The following SNX29 variants were observed in gnomAD, a reference collection of about 807,000 sequenced individuals.
SNX29 encodes the protein sorting nexin-29.
A neutral mutation model predicts 102.1 loss-of-function variants in SNX29; 78 were observed. The ratio of observed to expected loss-of-function variants is 0.76; its 90% CI spans 0.64 to 0.92. The LOEUF is 0.92. SNX29 is among the 40% of genes least tolerant of loss of function. The pLI, the probability that SNX29 is intolerant of heterozygous loss-of-function variation, is 0.00. For synonymous variants in SNX29, 580 were observed against 414.5 expected, an observed-to-expected ratio of 1.40 and a Z score of -4.85; for missense variants, 1,280 against 1,061.7, an observed-to-expected ratio of 1.21 and a Z score of -2.86.
At chr16:12,135,403 G>C in intron 13 of SNX29, 1 of 693,944 alleles carries the variant, frequency 1.4e-6, no homozygotes, top group Non-Finnish European at 2.2e-6. Context: ...TCCAGAGGAT[G>C]GCAGCCCACC....
chr16:12,560,138 C>CA (rs1367622251), intron 20 of SNX29, among the ~76,000 whole-genome samples: 2 of 55,328 alleles, frequency 3.6e-5, no homozygotes, highest in African/African-American at 5.9e-5. Flanking sequence ...GTTCCCCTCC[C>CA]CCCCCCAACA....
At chr16:12,252,566 A>G (rs2078452552) in intron 14 of SNX29, among the ~76,000 whole-genome samples, 1 of 152,190 alleles carries the variant, frequency 6.6e-6, no homozygotes, top group Non-Finnish European at 1.5e-5. Flanking sequence ...TAATAATCAC[A>G]TTATTTAGGC....
chr16:12,417,108 T>C (rs549860060), intron 18 of SNX29, among the ~76,000 whole-genome samples: 73 of 152,352 alleles, frequency 4.8e-4, no homozygotes, highest in African/African-American at 1.5e-3. Context: ...CAGTACTTCT[T>C]GGGAGCCTAC....
chr16:12,344,366 C>G (rs557826733), intron 15 of SNX29, among the ~76,000 whole-genome samples: 1 of 152,226 alleles, frequency 6.6e-6, no homozygotes, highest in Non-Finnish European at 1.5e-5. Context: ...TTAGCTTTGC[C>G]TAGGACTAAA....
chr16:12,403,424 T>C (rs769912055), intron 17 of SNX29, 24 bp from the exon 18 acceptor site: 9 of 1,579,570 alleles, frequency 5.7e-6, no homozygotes, highest in Admixed American at 3.5e-5. Flanking sequence ...CTAATGTTGG[T>C]CTCTCTCTCT....
At chr16:12,318,623 G>T (rs1284778921) in intron 15 of SNX29, among the ~76,000 whole-genome samples, 1 of 152,154 alleles carries the variant, frequency 6.6e-6, no homozygotes, top group African/African-American at 2.4e-5. Flanking sequence ...CTGTAATCCT[G>T]TTCCTGGACC....
intron 13 of SNX29, among the ~76,000 whole-genome samples, chr16:12,182,600 T>C (rs968878253): frequency 2.0e-5 from 3 of 152,180 alleles, no homozygotes; most frequent in African/African-American, 7.2e-5. Context: ...CAGTTACCTC[T>C]AGCCTGAGTT....
intron 13 of SNX29, among the ~76,000 whole-genome samples, chr16:12,182,163 A>G (rs1229705643): frequency 6.8e-6 from 1 of 147,710 alleles, no homozygotes; most frequent in African/African-American, 2.5e-5. Context: ...CTGGGATAAC[A>G]GGCATGAGCC....
intron 20 of SNX29, among the ~76,000 whole-genome samples, chr16:12,556,198 A>T (rs1386348966): frequency 1.3e-5 from 2 of 152,132 alleles, no homozygotes; most frequent in African/African-American, 4.8e-5. Context: ...TGAGTCTGAA[A>T]TGCAACCTAG....
intron 18 of SNX29, among the ~76,000 whole-genome samples, chr16:12,432,967 TG>T (rs1473605160): frequency 1.3e-5 from 2 of 152,186 alleles, no homozygotes; most frequent in Non-Finnish European, 2.9e-5. Flanking sequence ...ATGCCGGGCC[TG>T]GGCCATGGCA....
chr16:12,468,408 C>G (rs912084342), intron 18 of SNX29, among the ~76,000 whole-genome samples: 3 of 152,068 alleles, frequency 2.0e-5, no homozygotes, highest in Non-Finnish European at 4.4e-5. Context: ...CTCCTGACCT[C>G]AAGTGATCTG....
intron 13 of SNX29, among the ~76,000 whole-genome samples, chr16:12,162,792 A>G (rs1477687340): frequency 6.6e-6 from 1 of 152,152 alleles, no homozygotes; most frequent in East Asian, 1.9e-4. Context: ...AGACCCAGGA[A>G]TGCCTGTTCC....
At chr16:12,135,702 A>T in intron 13 of SNX29, 9 of 1,018,108 alleles carry the variant, frequency 8.8e-6, no homozygotes, top group Non-Finnish European at 1.1e-5. Flanking sequence ...TGGACTTTTC[A>T]TGTATGTGAG....
intron 11 of SNX29, among the ~76,000 whole-genome samples, chr16:12,085,700 A>C (rs2052139236): frequency 6.6e-6 from 1 of 152,226 alleles, no homozygotes; most frequent in Non-Finnish European, 1.5e-5. Context: ...CTATCAAAAT[A>C]GAAGCTAGTA....
At chr16:12,405,642 C>G (rs1318575964) in intron 18 of SNX29, among the ~76,000 whole-genome samples, 1 of 152,222 alleles carries the variant, frequency 6.6e-6, no homozygotes, top group African/African-American at 2.4e-5. Flanking sequence ...TTTTAGAAAT[C>G]CTTTATTGCC....
chr16:12,070,460 G>A (rs1427220059), intron 10 of SNX29, among the ~76,000 whole-genome samples: 9 of 151,596 alleles, frequency 5.9e-5, no homozygotes, highest in Non-Finnish European at 1.0e-4. Flanking sequence ...AGTTTACCGA[G>A]AATGATGATT....
chr16:12,409,465 G>A (rs1266973123), intron 18 of SNX29, among the ~76,000 whole-genome samples: 7 of 114,372 alleles, frequency 6.1e-5, no homozygotes, highest in Non-Finnish European at 1.6e-5. Context: ...GTCTCGCTCT[G>A]TTACCCAGGC....
At chr16:12,418,501 T>G (rs1029928367) in intron 18 of SNX29, among the ~76,000 whole-genome samples, 1 of 149,810 alleles carries the variant, frequency 6.7e-6, no homozygotes, top group Non-Finnish European at 1.5e-5. Flanking sequence ...TCTGTCCTTC[T>G]GTGTTTCTGG....
chr16:12,390,491 C>T (rs1223986736), intron 16 of SNX29, among the ~76,000 whole-genome samples: 1 of 152,116 alleles, frequency 6.6e-6, no homozygotes, highest in African/African-American at 2.4e-5. Context: ...CTGCAAGCCC[C>T]GGGACTTCCT....
Sources: gnomAD v4.1 joint callset for allele counts (sites outside exome capture counted in the v4.1 genomes callset) on GRCh38, gnomAD v4.1.1 for gene constraint, MANE v1.5 for transcripts, NCBI Gene and HGNC (gene_info 2026-07-23, HGNC 2026-07-21) for gene names.